Variants in BCL2L13 observed in about 807,000 individuals in gnomAD.
BCL2L13 encodes the protein bcl-2-like protein 13.
In BCL2L13, 13 loss-of-function variants were observed where a neutral mutation model predicts 25.8. The ratio of observed to expected loss-of-function variants is 0.50; its 90% CI spans 0.33 to 0.80. The LOEUF is 0.80. BCL2L13 is among the 30% of genes least tolerant of loss of function. BCL2L13 has a pLI of 0.02. For missense variants in BCL2L13, 504 were observed against 574.9 expected (o/e 0.88, Z 1.26); for synonymous variants, 244 against 230.3 (o/e 1.06, Z -0.54).
chr22:17,666,431 ATTATTTAT>A (rs1017673837), intron 2 of BCL2L13, among the ~76,000 whole-genome samples: 2 of 151,978 alleles, frequency 1.3e-5, no homozygotes, highest in South Asian at 2.1e-4. Context: ...GGTCTTAGTC[ATTATTTAT>A]TTATTTATTT....
chr22:17,714,161 C>T (rs1430592915), intron 6 of BCL2L13, among the ~76,000 whole-genome samples: 3 of 151,958 alleles, frequency 2.0e-5, no homozygotes, highest in Admixed American at 1.3e-4. Flanking sequence ...GGCGTGGTGG[C>T]GGGCACCTGT....
intron 1 of BCL2L13, among the ~76,000 whole-genome samples, chr22:17,647,925 G>A (rs1003603065): frequency 6.6e-6 from 1 of 151,940 alleles, no homozygotes; most frequent in South Asian, 2.1e-4. Context: ...TAAGGAGATC[G>A]AGACCATCCT....
Position 17,670,900 on chromosome 22 carries a change from G to T in BCL2L13, c.122-12314G>T, listed in dbSNP as rs566894028. Among the ~76,000 whole-genome samples, 4 of 152,216 alleles carry T rather than the reference G, an allele frequency of 2.6e-5. No individual in the cohort carries two copies. The South Asian group carries it at 6.2e-4, about 24-fold the overall frequency. ...GTCTCCCAATCTGCAAGATGCTTAG[G>T]GGGTATGATAACGCTAGAACCTGAA... On this transcript the variant is annotated intron_variant, in intron 2 of 6. Transcript: ENST00000317582.
chr22:17,691,431 G>A (rs1446807213), intron 4 of BCL2L13, among the ~76,000 whole-genome samples: 1 of 152,138 alleles, frequency 6.6e-6, no homozygotes, highest in African/African-American at 2.4e-5. Context: ...CGTATCACGA[G>A]GTCAGGAGAT....
intron 1 of BCL2L13, among the ~76,000 whole-genome samples, chr22:17,655,300 C>CT (rs71201856): frequency 0.15 from 20,326 of 138,734 alleles, 1,847 homozygotes; most frequent in Non-Finnish European, 0.21. Context: ...TTACAGTTCA[C>CT]TTTTTTTTTT....
chr22:17,685,872 C>T (rs1221833629), intron 3 of BCL2L13, among the ~76,000 whole-genome samples: 2 of 146,382 alleles, frequency 1.4e-5, no homozygotes, highest in Non-Finnish European at 3.0e-5. Context: ...CCCAGCTTCA[C>T]GCCATTCTCC....
chr22:17,726,641 C>G, intron 6 of BCL2L13, 36 bp from the exon 7 acceptor site: 1 of 1,576,948 alleles, frequency 6.3e-7, no homozygotes, highest in Non-Finnish European at 8.6e-7. Flanking sequence ...AAATAGTTAC[C>G]ATTCTTTATT....
At chr22:17,694,158 C>G (rs2060196479) in intron 4 of BCL2L13, among the ~76,000 whole-genome samples, 1 of 151,998 alleles carries the variant, frequency 6.6e-6, no homozygotes, top group Non-Finnish European at 1.5e-5. Flanking sequence ...AATTTTAAAT[C>G]TGTTATCTGA....
chr22:17,648,417 G>T (rs1241819163), intron 1 of BCL2L13, among the ~76,000 whole-genome samples: 1 of 151,978 alleles, frequency 6.6e-6, no homozygotes, highest in Non-Finnish European at 1.5e-5. Flanking sequence ...AGAAGTTGGG[G>T]CCAGATATGG....
At chr22:17,664,847 G>C (rs2059187022) in intron 2 of BCL2L13, among the ~76,000 whole-genome samples, 2 of 152,220 alleles carry the variant, frequency 1.3e-5, no homozygotes, top group Admixed American at 1.3e-4. Context: ...TGGCTGGGAT[G>C]CAGGGCACCA....
At chr22:17,705,709 A>T (rs1253044202) in intron 6 of BCL2L13, among the ~76,000 whole-genome samples, 1 of 152,150 alleles carries the variant, frequency 6.6e-6, no homozygotes, top group Non-Finnish European at 1.5e-5. Flanking sequence ...CAGCTCTTAA[A>T]ACCCTTCCAG....
chr22:17,713,873 G>C (rs1372281597), intron 6 of BCL2L13, among the ~76,000 whole-genome samples: 1 of 152,026 alleles, frequency 6.6e-6, no homozygotes, highest in African/African-American at 2.4e-5. Context: ...AGGCACAGTG[G>C]CTCATGCTTG....
chr22:17,667,568 G>A lies in BCL2L13; in HGVS notation c.121+11736G>A, dbSNP rs1358547705. Among the ~76,000 whole-genome samples, 3 of 151,870 alleles carry A rather than the reference G, an allele frequency of 2.0e-5. No individual in the cohort carries two copies. In the East Asian group the frequency reaches 5.8e-4, roughly 29 times the overall value. The stretch of plus-strand genomic sequence containing the variant: ...CTGTTGCCCAGGCTGGAATATAGTG[G>A]TGTGGTCTCAGCTCACTGCAACCTC... On this transcript the variant is annotated intron_variant, in intron 2 of 6. Transcript: ENST00000317582.
intron 6 of BCL2L13, among the ~76,000 whole-genome samples, chr22:17,715,508 T>C (rs888980963): frequency 6.6e-6 from 1 of 151,984 alleles, no homozygotes; most frequent in Non-Finnish European, 1.5e-5. Context: ...TACATAACAT[T>C]ATATTAATAT....
At chr22:17,684,461 GC>G (rs1465870812) in intron 3 of BCL2L13, 45 of 409,354 alleles carry the variant, frequency 1.1e-4, no homozygotes, top group Non-Finnish European at 1.8e-4. Flanking sequence ...CTAGCCCCAG[GC>G]CCCAACCCCA....
At chr22:17,661,234 A>C (rs2146545873) in intron 2 of BCL2L13, among the ~76,000 whole-genome samples, 1 of 145,488 alleles carries the variant, frequency 6.9e-6, no homozygotes, top group South Asian at 2.1e-4. Context: ...CTGGGATTAC[A>C]GGCGCCCGCC....
chr22:17,672,015 ACATCTGG>A (rs1463837047), intron 2 of BCL2L13, among the ~76,000 whole-genome samples: 1 of 152,226 alleles, frequency 6.6e-6, no homozygotes, highest in Non-Finnish European at 1.5e-5. Context: ...TGCCCGGCCA[ACATCTGG>A]TTTCTTAATT....
chr22:17,638,978 C>T (rs2058166535), intron 1 of BCL2L13, 92 bp downstream of exon 1: 2 of 1,051,302 alleles, frequency 1.9e-6, no homozygotes. Flanking sequence ...ATCGAGCCAC[C>T]GACTCCCCAG....
intron 6 of BCL2L13, among the ~76,000 whole-genome samples, chr22:17,723,969 C>T (rs2061226176): frequency 6.6e-6 from 1 of 151,910 alleles, no homozygotes; most frequent in South Asian, 2.1e-4. Context: ...CAAACTATAC[C>T]TCATTTTAAA....
Sources: gnomAD v4.1 joint callset for allele counts (sites outside exome capture counted in the v4.1 genomes callset) on GRCh38, gnomAD v4.1.1 for gene constraint, MANE v1.5 for transcripts, NCBI Gene and HGNC (gene_info 2026-07-23, HGNC 2026-07-21) for gene names.